The following MALRD1 variants were observed in gnomAD, a reference collection of about 807,000 sequenced individuals.
The protein encoded by MALRD1 is MAM and LDL receptor class A domain containing 1, also known as MAM and LDL-receptor class A domain-containing protein 1.
A neutral mutation model predicts 242.1 loss-of-function variants in MALRD1; 247 were observed. The observed-to-expected ratio is 1.02, with a 90% confidence interval of 0.92 to 1.13. MALRD1 has a LOEUF of 1.13. Among genes scored for constraint, MALRD1 ranks in the 50% most tolerant of loss-of-function variants. MALRD1 has a pLI of 0.00. For missense variants in MALRD1, 2,989 were observed against 2,533.1 expected, an observed-to-expected ratio of 1.18 and a Z score of -3.86; for synonymous variants, 995 against 866.6, an observed-to-expected ratio of 1.15 and a Z score of -2.60.
chr10:19,523,640 G>A (rs1172750262), intron 31 of MALRD1, among the ~76,000 whole-genome samples: 1 of 152,164 alleles, frequency 6.6e-6, no homozygotes, highest in Non-Finnish European at 1.5e-5. Flanking sequence ...CAGAGATTCA[G>A]AATCTCTTGT....
At chr10:19,496,641 A>G (rs1284074346) in intron 30 of MALRD1, among the ~76,000 whole-genome samples, 1 of 152,168 alleles carries the variant, frequency 6.6e-6, no homozygotes, top group African/African-American at 2.4e-5. Context: ...AATAATCTCA[A>G]ATTAACCATT....
At chr10:19,502,989 A>G (rs1838044782) in intron 31 of MALRD1, among the ~76,000 whole-genome samples, 1 of 152,212 alleles carries the variant, frequency 6.6e-6, no homozygotes, top group Admixed American at 6.5e-5. Context: ...ATCAAAGATC[A>G]CATGAAAAGT....
At chr10:19,580,859 C>T (rs1015234797) in intron 33 of MALRD1, among the ~76,000 whole-genome samples, 4 of 152,108 alleles carry the variant, frequency 2.6e-5, no homozygotes, top group African/African-American at 9.7e-5. Flanking sequence ...AACAAGCCTT[C>T]CTGATTCCTT....
At chr10:19,462,283 T>G (rs1010001763) in intron 29 of MALRD1, among the ~76,000 whole-genome samples, 1 of 152,204 alleles carries the variant, frequency 6.6e-6, no homozygotes, top group Non-Finnish European at 1.5e-5. Flanking sequence ...AGCCACTATC[T>G]ACCTGCCCTA....
chr10:19,429,549 G>C (rs1564332276), intron 28 of MALRD1, among the ~76,000 whole-genome samples: 1 of 152,084 alleles, frequency 6.6e-6, no homozygotes, highest in African/African-American at 2.4e-5. Context: ...GGGCAACAGA[G>C]TGAGATTCCA....
chr10:19,450,004 A>G (rs974015143), intron 28 of MALRD1, among the ~76,000 whole-genome samples: 1 of 152,200 alleles, frequency 6.6e-6, no homozygotes, highest in African/African-American at 2.4e-5. Context: ...TCTGTCAGAT[A>G]CAACTAATTT....
rs1834402458 is a variant in MALRD1, at chr10:19,531,269, A to C, written c.5396A>C (p.Lys1799Thr). 6.5e-7 allele frequency: 1 copy of C among 1,550,288 alleles called. No homozygotes were observed. The highest frequency in any genetic ancestry group is 8.7e-7 in the Non-Finnish European group (1 of 1,146,884). Reference protein sequence around the residue: ...EGSVARITTSKSFPASLGMCT... With the variant: ...EGSVARITTSTSFPASLGMCT... ...TCCGTTGCCAGAATTACTACTTCCA[A>C]ATCCTTCCCAGCAAGCCTTGGAATG... The change falls in exon 32 of 40, where the codon AAA becomes ACA. Residue 1799 changes from lysine to threonine, a missense_variant. Coordinates refer to ENST00000454679, the MANE Select transcript of MALRD1 (RefSeq NM_001142308.3).
intron 38 of MALRD1, 67 bp from the exon 39 acceptor site, chr10:19,730,636 CAAT>C: frequency 6.9e-7 from 1 of 1,447,118 alleles, no homozygotes; most frequent in East Asian, 2.5e-5. Flanking sequence ...TTCTAACAAA[CAAT>C]AACCTGAAAA....
chr10:19,395,913 T>C (rs985847405), intron 28 of MALRD1, among the ~76,000 whole-genome samples: 1 of 152,110 alleles, frequency 6.6e-6, no homozygotes, highest in African/African-American at 2.4e-5. Flanking sequence ...TCTTCTGTCT[T>C]GAAGAAAAGA....
At position 19,136,608 on chromosome 10, in the gene MALRD1, G is replaced by A. The variant is rs2131413456; in HGVS notation, c.1238G>A (p.Ser413Asn). The A allele has an allele frequency of 3.2e-6, 4 of 1,231,664 alleles. No individual in the cohort carries two copies. The East Asian group carries it at 9.5e-5, about 29-fold the overall frequency. 76.3% of individuals were successfully genotyped at this position (1,231,664 alleles called of 1,614,324 possible). A position where few individuals can be genotyped will look rare whatever the true frequency, so the allele number is the denominator to read the frequency against. Residue 413 changes from serine (S) to asparagine (N), a missense_variant, in exon 10 of 40, where the codon AGT (serine) becomes AAT (asparagine). Ser to Asn is a conservative substitution (Grantham distance 46). Transcript: ENST00000454679. ...GAAGGGACTCTTTTGAGCCAGAGAAGTTTTATTGCCCTTGATCACCTCTGG... is the reference window on the plus strand; with the variant it reads ...GAAGGGACTCTTTTGAGCCAGAGAAATTTTATTGCCCTTGATCACCTCTGG... ...IFEGTLLSQR[S>N]FIALDHLWVY...
chr10:19,248,095 G>A (rs1355067146), intron 18 of MALRD1, among the ~76,000 whole-genome samples: 1 of 152,048 alleles, frequency 6.6e-6, no homozygotes, highest in East Asian at 1.9e-4. Context: ...TTTGGCTGCT[G>A]TGATTGGCAG....
chr10:19,122,595 A>G (rs901187848), intron 5 of MALRD1, among the ~76,000 whole-genome samples: 13 of 152,106 alleles, frequency 8.5e-5, no homozygotes, highest in African/African-American at 3.1e-4. Flanking sequence ...GCCATTTGAC[A>G]TGAGAGTCAA....
At chr10:19,537,598 A>G (rs1220628313) in intron 32 of MALRD1, among the ~76,000 whole-genome samples, 1 of 152,196 alleles carries the variant, frequency 6.6e-6, no homozygotes, top group East Asian at 1.9e-4. Flanking sequence ...ATCATTTGAT[A>G]TAAAATACCT....
At chr10:19,322,280 A>T (rs1224742069) in intron 21 of MALRD1, among the ~76,000 whole-genome samples, 1 of 152,138 alleles carries the variant, frequency 6.6e-6, no homozygotes, top group African/African-American at 2.4e-5. Flanking sequence ...TTAACGTATG[A>T]TATATAAGAG....
At chr10:19,511,895 T>G (rs1833418109) in intron 31 of MALRD1, among the ~76,000 whole-genome samples, 1 of 151,990 alleles carries the variant, frequency 6.6e-6, no homozygotes, top group African/African-American at 2.4e-5. Flanking sequence ...GGGAGAAGTT[T>G]TGATCCTTGT....
chr10:19,240,298 T>C (rs1367018268), intron 18 of MALRD1, among the ~76,000 whole-genome samples: 3 of 152,086 alleles, frequency 2.0e-5, no homozygotes, highest in Non-Finnish European at 4.4e-5. Context: ...ACTATTAGTG[T>C]ATAGAAACAC....
intron 13 of MALRD1, among the ~76,000 whole-genome samples, chr10:19,171,620 C>T (rs1202858826): frequency 8.2e-6 from 1 of 122,222 alleles, no homozygotes; most frequent in African/African-American, 2.8e-5. Flanking sequence ...ACATATATGT[C>T]TATGTGTGTA....
chr10:19,339,400 T>C (rs945160209), intron 24 of MALRD1, among the ~76,000 whole-genome samples: 18 of 152,138 alleles, frequency 1.2e-4, no homozygotes, highest in African/African-American at 4.1e-4. Context: ...GTTTTCAACA[T>C]TTTGCCCAAA....
At chr10:19,123,453 A>T in intron 5 of MALRD1, 39 bp from the exon 6 acceptor site, 2 of 1,136,248 alleles carry the variant, frequency 1.8e-6, no homozygotes, top group Non-Finnish European at 2.2e-6. Context: ...TTCCAGTTGC[A>T]CCTGCATTTC....
Sources: allele counts gnomAD v4.1 joint callset (sites outside exome capture counted in the v4.1 genomes callset), GRCh38; gene constraint gnomAD v4.1.1; transcripts MANE v1.5; gene names NCBI Gene and HGNC (gene_info 2026-07-23, HGNC 2026-07-21).